SV2C: variants seen among roughly 807,000 people sequenced by gnomAD.
SV2C encodes solute carrier family 22 member B3.
In SV2C, 49 loss-of-function variants were observed where a neutral mutation model predicts 79.7. The observed-to-expected ratio is 0.61, with a 90% CI of 0.49 to 0.78. The LOEUF (loss-of-function observed/expected upper bound fraction) is 0.78. Among genes scored for constraint, SV2C ranks in the 30% least tolerant of loss-of-function variants. SV2C has a pLI of 0.00. For missense variants in SV2C, 833 were observed against 912.9 expected (o/e 0.91, Z 1.13); for synonymous variants, 334 against 333.2 (o/e 1.00, Z -0.03).
At chr5:76,168,011 TCCAGTCG>T in intron 2 of SV2C, among the ~76,000 whole-genome samples, 1 of 152,306 alleles carries the variant, frequency 6.6e-6, no homozygotes, top group East Asian at 1.9e-4. Flanking sequence ...TGCAATGAAA[TCCAGTCG>T]TTTGTAAATC....
At chr5:76,227,140 A>T (rs1745275665) in intron 4 of SV2C, among the ~76,000 whole-genome samples, 1 of 150,192 alleles carries the variant, frequency 6.7e-6, no homozygotes, top group African/African-American at 2.5e-5. Flanking sequence ...ATTTGTGAAG[A>T]TTTTCAGAAA....
intron 10 of SV2C, 50 bp downstream of exon 10, chr5:76,298,977 C>T (rs2112520024): frequency 6.3e-7 from 1 of 1,594,036 alleles, no homozygotes; most frequent in Non-Finnish European, 8.5e-7. Context: ...TCCAAAGGGC[C>T]CACTGTGATA....
rs1458656159 is a variant in SV2C, at chr5:76,173,066, TAC to T, written c.581-21851_581-21850del. On this transcript the variant is annotated intron_variant, in intron 2 of 12. Coordinates refer to ENST00000502798, the MANE Select transcript of SV2C (RefSeq NM_014979.4). ...AATAAAAAAATAAATTAAAAAAAAA[TAC>T]AAAAAAAAAAAAATTAAAAAAACTA... 1.1e-4 allele frequency among the ~76,000 whole-genome samples: 10 copies of T among 92,672 alleles called. 1 individual carries two copies. Among genetic ancestry groups the T allele is most frequent in the Admixed American group, 1.1e-3 (10 of 9,494 alleles). 60.8% of individuals were successfully genotyped at this position (92,672 alleles called of 152,430 possible). A position where few individuals can be genotyped will look rare whatever the true frequency, so the allele number is the denominator to read the frequency against.
the SV2C span, among the ~76,000 whole-genome samples, chr5:76,008,820 T>A: frequency 6.6e-6 from 1 of 152,190 alleles, no homozygotes; most frequent in Non-Finnish European, 1.5e-5. Flanking sequence ...TAAAAGTCAA[T>A]GTCCTGAGGA....
the SV2C span, among the ~76,000 whole-genome samples, chr5:75,956,775 C>G: frequency 6.6e-6 from 1 of 152,086 alleles, no homozygotes; most frequent in South Asian, 2.1e-4. Flanking sequence ...GCCCCAAATT[C>G]TCCTCTGGGA....
At chr5:76,189,355 T>A (rs1744026347) in intron 2 of SV2C, among the ~76,000 whole-genome samples, 1 of 152,096 alleles carries the variant, frequency 6.6e-6, no homozygotes, top group Non-Finnish European at 1.5e-5. Context: ...AGAATTGACC[T>A]TAAGAGGATA....
intron 12 of SV2C, among the ~76,000 whole-genome samples, chr5:76,311,935 C>T (rs1225708113): frequency 1.3e-5 from 2 of 152,112 alleles, no homozygotes; most frequent in Admixed American, 6.5e-5. Context: ...TCCCTCAATA[C>T]CCTAACTGGG....
chr5:76,033,018 T>C, the SV2C span, among the ~76,000 whole-genome samples: 50 of 152,340 alleles, frequency 3.3e-4, no homozygotes, highest in African/African-American at 1.2e-3. Context: ...CATTTTTTCA[T>C]GTGTTTTTTG....
At chr5:76,135,761 G>GT (rs1368611404) in intron 2 of SV2C, among the ~76,000 whole-genome samples, 1 of 152,188 alleles carries the variant, frequency 6.6e-6, no homozygotes, top group Non-Finnish European at 1.5e-5. Flanking sequence ...CCCATTTGCT[G>GT]TGACTCAGAG....
the SV2C span, among the ~76,000 whole-genome samples, chr5:76,071,934 A>G: frequency 6.6e-6 from 1 of 152,202 alleles, no homozygotes; most frequent in Non-Finnish European, 1.5e-5. Flanking sequence ...GGGAAGACCT[A>G]CGGGAATATT....
At chr5:76,116,719 T>G (rs1456407697) in intron 1 of SV2C, among the ~76,000 whole-genome samples, 1 of 152,210 alleles carries the variant, frequency 6.6e-6, no homozygotes. Flanking sequence ...TGGAAGAGAA[T>G]GTCTCACTGT....
chr5:76,168,527 C>T (rs765344797), intron 2 of SV2C, among the ~76,000 whole-genome samples: 4 of 152,170 alleles, frequency 2.6e-5, no homozygotes, highest in Admixed American at 6.5e-5. Context: ...GAGATGATGT[C>T]GTGAAGGAGG....
At chr5:76,238,065 C>CACACACACAT (rs1468572481) in intron 4 of SV2C, among the ~76,000 whole-genome samples, 1 of 67,618 alleles carries the variant, frequency 1.5e-5, no homozygotes, top group Non-Finnish European at 3.8e-5. Context: ...CACACACACA[C>CACACACACAT]ATATATATAC....
intron 1 of SV2C, among the ~76,000 whole-genome samples, chr5:76,108,690 C>T (rs1044137025): frequency 6.6e-5 from 10 of 152,080 alleles, no homozygotes; most frequent in Non-Finnish European, 5.9e-5. Flanking sequence ...TATAAAAGAT[C>T]ATGTTTTGGT....
chr5:75,863,455 T>A, the SV2C span, among the ~76,000 whole-genome samples: 1 of 152,024 alleles, frequency 6.6e-6, no homozygotes, highest in Admixed American at 6.5e-5. Context: ...TGGAAAGTGG[T>A]GAGTTTTGAG....
the SV2C span, among the ~76,000 whole-genome samples, chr5:76,076,648 A>G: frequency 6.6e-6 from 1 of 152,168 alleles, no homozygotes; most frequent in Non-Finnish European, 1.5e-5. Flanking sequence ...ACCCAATATT[A>G]AACTGAATTC....
intron 3 of SV2C, among the ~76,000 whole-genome samples, chr5:76,203,462 T>C (rs1204815561): frequency 2.0e-5 from 3 of 152,232 alleles, no homozygotes; most frequent in Admixed American, 1.3e-4. Context: ...TCTTTATTCA[T>C]GGCACCTTTA....
chr5:76,322,605 C>G (rs566715724), intron 12 of SV2C, among the ~76,000 whole-genome samples: 111 of 152,272 alleles, frequency 7.3e-4, no homozygotes, highest in African/African-American at 2.6e-3. Context: ...AAGAACAAAG[C>G]TAGAGGCATC....
At chr5:76,153,179 A>G (rs780393454) in intron 2 of SV2C, among the ~76,000 whole-genome samples, 12 of 152,242 alleles carry the variant, frequency 7.9e-5, no homozygotes, top group Non-Finnish European at 1.8e-4. Context: ...CCCAGCTCAG[A>G]GGCTGAAAGG....
Sources: gnomAD v4.1 joint callset for allele counts (sites outside exome capture counted in the v4.1 genomes callset) on GRCh38, gnomAD v4.1.1 for gene constraint, MANE v1.5 for transcripts, NCBI Gene and HGNC (gene_info 2026-07-23, HGNC 2026-07-21) for gene names.